DPYS: variants seen among roughly 807,000 people sequenced by gnomAD.
DPYS encodes dihydropyrimidinase.
In DPYS, 39 loss-of-function variants were observed where a neutral mutation model predicts 50.3. The ratio of observed to expected loss-of-function variants is 0.78; its 90% confidence interval spans 0.60 to 1.01. DPYS has a LOEUF of 1.01. Ranked by LOEUF, DPYS falls within the 50% of genes least tolerant of loss-of-function variation. The pLI, the probability that DPYS is intolerant of heterozygous loss-of-function variation, is 0.00. For missense variants in DPYS, 659 were observed against 680.9 expected (o/e 0.97, Z 0.36); for synonymous variants, 245 against 250.7 (o/e 0.98, Z 0.22).
At chr8:104,422,616 C>T (rs945576234) in intron 7 of DPYS, among the ~76,000 whole-genome samples, 3 of 152,172 alleles carry the variant, frequency 2.0e-5, no homozygotes, top group African/African-American at 7.2e-5. Flanking sequence ...TGATGATTAA[C>T]ATTAGTATGA....
chr8:104,401,908 G>A (rs961722064), intron 7 of DPYS, among the ~76,000 whole-genome samples: 6 of 152,216 alleles, frequency 3.9e-5, no homozygotes, highest in East Asian at 1.9e-4. Context: ...TTCTACACCC[G>A]CCTCCTGCAG....
rs374805521 is a variant in DPYS, at chr8:104,444,351, C to A, written c.690G>T (p.Thr230=). 1.9e-6 allele frequency: 3 copies of A among 1,614,112 alleles called. No individual in the cohort carries two copies. Among genetic ancestry groups the A allele is most frequent in the Admixed American group, 1.7e-5 (1 of 60,016 alleles). The change falls in exon 4 of 10, where the codon ACG becomes ACT. Residue 230 remains threonine (T), a synonymous_variant. Transcript: ENST00000351513. ...CGCTGGCTATGGTGATGGCTCTCAG[C>A]GTGGCCTCTGCCTCCACTGCCTCTG... ...CRPEAVEAEA[T]LRAITIASAV...
At chr8:104,465,419 G>C (rs1299293773) in intron 1 of DPYS, among the ~76,000 whole-genome samples, 2 of 152,176 alleles carry the variant, frequency 1.3e-5, no homozygotes, top group Non-Finnish European at 2.9e-5. Context: ...AAGGCCTTTA[G>C]TATATCAATA....
intron 4 of DPYS, among the ~76,000 whole-genome samples, chr8:104,436,554 G>A (rs868633508): frequency 6.6e-6 from 1 of 152,100 alleles, no homozygotes; most frequent in Non-Finnish European, 1.5e-5. Context: ...AGGTTGCAGT[G>A]AGCCGAGATT....
rs188684497 is a variant in DPYS, at chr8:104,386,369, C to G, written c.1444-5055G>C. Among the ~76,000 whole-genome samples, 9 of 151,900 alleles carry G rather than the reference C, an allele frequency of 5.9e-5. No homozygotes were observed. The East Asian group carries it at 1.6e-3, about 27-fold the overall frequency. ...TCAACATGGTGAAACCCCGTCTCTA[C>G]TAAAAATACAAAAATTATCCAGGTG... On this transcript the variant is annotated intron_variant, in intron 8 of 9. Transcript: ENST00000351513.
intron 4 of DPYS, among the ~76,000 whole-genome samples, chr8:104,434,968 T>C (rs1051036086): frequency 5.9e-5 from 9 of 152,168 alleles, no homozygotes; most frequent in Non-Finnish European, 1.3e-4. Context: ...GCCAGATACA[T>C]AGCAATTAGG....
rs140936973 is a variant in DPYS, at chr8:104,411,416, T to C, written c.1235+12831A>G. Among the ~76,000 whole-genome samples the C allele has an allele frequency of 2.0e-3, 312 of 152,280 alleles. 1 individual carries two copies. Among genetic ancestry groups the C allele is most frequent in the African/African-American group, 5.6e-3 (233 of 41,550 alleles). On this transcript the variant is annotated intron_variant, in intron 7 of 9. Coordinates refer to ENST00000351513, the MANE Select transcript of DPYS (RefSeq NM_001385.3). ...CAGAAACTTAGCTCTCTTAAATAAA[T>C]GCCTGGTAGGAGGACAGAACTGAGA...
chr8:104,434,050 G>A (rs1025919949), intron 4 of DPYS, among the ~76,000 whole-genome samples: 3 of 152,140 alleles, frequency 2.0e-5, no homozygotes, highest in African/African-American at 7.2e-5. Context: ...GCACAGTCTA[G>A]TTTTATACAT....
chr8:104,460,314 G>A (rs896650478), intron 1 of DPYS, among the ~76,000 whole-genome samples: 15 of 152,062 alleles, frequency 9.9e-5, no homozygotes, highest in South Asian at 6.2e-4. Flanking sequence ...CCCCCTTGTC[G>A]ATCTCATGAG....
At chr8:104,398,258 G>A (rs1811655400) in intron 7 of DPYS, among the ~76,000 whole-genome samples, 2 of 152,240 alleles carry the variant, frequency 1.3e-5, no homozygotes. Flanking sequence ...CATGTGGAGG[G>A]TAGAGATGGG....
chr8:104,440,743 A>G (rs1157604399), intron 4 of DPYS, among the ~76,000 whole-genome samples: 1 of 151,998 alleles, frequency 6.6e-6, no homozygotes, highest in Admixed American at 6.6e-5. Context: ...TGGGTGACAG[A>G]GTGAGAACCT....
intron 3 of DPYS, 43 bp from the exon 4 acceptor site, chr8:104,444,480 A>G: frequency 6.2e-7 from 1 of 1,606,202 alleles, no homozygotes; most frequent in South Asian, 1.1e-5. Flanking sequence ...AGGAAGGTTT[A>G]CTAATGACAG....
intron 1 of DPYS, among the ~76,000 whole-genome samples, chr8:104,460,894 C>T (rs1231567729): frequency 2.6e-5 from 4 of 152,116 alleles, no homozygotes; most frequent in Non-Finnish European, 4.4e-5. Context: ...CACGAATGTT[C>T]AAAGCTCAGC....
At chr8:104,427,604 A>G (rs1812776994) in intron 6 of DPYS, among the ~76,000 whole-genome samples, 1 of 151,852 alleles carries the variant, frequency 6.6e-6, no homozygotes, top group Non-Finnish European at 1.5e-5. Flanking sequence ...TATCATTTCA[A>G]GCATTCGTGC....
chr8:104,386,952 C>T (rs930410472), intron 8 of DPYS, among the ~76,000 whole-genome samples: 4 of 152,106 alleles, frequency 2.6e-5, no homozygotes, highest in African/African-American at 9.7e-5. Context: ...CTGAAATTAG[C>T]AAGATCAACA....
At chr8:104,382,538 GTTTTTTTTTT>G (rs11388669) in intron 8 of DPYS, among the ~76,000 whole-genome samples, 3 of 128,284 alleles carry the variant, frequency 2.3e-5, no homozygotes, top group Non-Finnish European at 4.9e-5. Context: ...CTTGGTCCCT[GTTTTTTTTTT>G]TTTTTTTTCT....
chr8:104,417,425 C>T (rs1026965495), intron 7 of DPYS, among the ~76,000 whole-genome samples: 1 of 152,180 alleles, frequency 6.6e-6, no homozygotes, highest in Non-Finnish European at 1.5e-5. Context: ...ACAAGTTGGC[C>T]AATTTGGCTG....
chr8:104,415,666 A>AT (rs1812340742), intron 7 of DPYS, among the ~76,000 whole-genome samples: 1 of 152,022 alleles, frequency 6.6e-6, no homozygotes, highest in South Asian at 2.1e-4. Flanking sequence ...ACTGCTAATA[A>AT]TTTTTAAAAG....
chr8:104,389,018 T>A (rs1301097530), intron 8 of DPYS, among the ~76,000 whole-genome samples: 1 of 152,194 alleles, frequency 6.6e-6, no homozygotes, highest in Non-Finnish European at 1.5e-5. Context: ...AGTTTATTCA[T>A]TTACCAGATG....
Sources: gnomAD v4.1 joint callset for allele counts (sites outside exome capture counted in the v4.1 genomes callset) on GRCh38, gnomAD v4.1.1 for gene constraint, MANE v1.5 for transcripts, NCBI Gene and HGNC (gene_info 2026-07-23, HGNC 2026-07-21) for gene names.